The following ALMS1 variants were observed in gnomAD, a reference collection of about 807,000 sequenced individuals.
The protein encoded by ALMS1 is ALMS1 centrosome and basal body associated protein.
A neutral mutation model predicts 352.2 loss-of-function variants in ALMS1; 271 were observed. That is an observed-to-expected ratio of 0.77 (90% CI 0.70 to 0.85). The LOEUF is 0.85. Among genes scored for constraint, ALMS1 ranks in the 40% least tolerant of loss-of-function variants. ALMS1 has a pLI of 0.00. For missense variants in ALMS1, 5,445 were observed against 4,870.7 expected, an observed-to-expected ratio of 1.12 and a Z score of -3.51; for synonymous variants, 1,865 against 1,761.2, an observed-to-expected ratio of 1.06 and a Z score of -1.48.
At chr2:73,463,636 C>A (rs1672258361) in intron 9 of ALMS1, among the ~76,000 whole-genome samples, 1 of 125,650 alleles carries the variant, frequency 8.0e-6, no homozygotes, top group South Asian at 2.9e-4. Context: ...ACACAAAAAA[C>A]CCTTCAAAAA....
At chr2:73,511,156 T>C (rs1174706289) in intron 10 of ALMS1, among the ~76,000 whole-genome samples, 2 of 152,188 alleles carry the variant, frequency 1.3e-5, no homozygotes, top group Non-Finnish European at 2.9e-5. Context: ...GCTAGACCAC[T>C]TGCCTTCCTG....
intron 7 of ALMS1, among the ~76,000 whole-genome samples, chr2:73,435,923 C>G (rs1447392401): frequency 6.6e-6 from 1 of 152,152 alleles, no homozygotes; most frequent in Non-Finnish European, 1.5e-5. Flanking sequence ...CTCTTTAAAT[C>G]AGTTAACAGA....
chr2:73,424,997 T>C (rs1472928889), intron 5 of ALMS1, 95 bp downstream of exon 5: 2 of 1,067,336 alleles, frequency 1.9e-6, no homozygotes, highest in African/African-American at 1.6e-5. Flanking sequence ...CCTTTTCCTA[T>C]GTGCCATGGA....
chr2:73,398,090 A>G (rs1670799314), intron 1 of ALMS1, among the ~76,000 whole-genome samples: 1 of 152,184 alleles, frequency 6.6e-6, no homozygotes, highest in South Asian at 2.1e-4. Flanking sequence ...GTTATCTTCT[A>G]GGAGTTTTAT....
intron 10 of ALMS1, among the ~76,000 whole-genome samples, chr2:73,502,536 A>G (rs1673239057): frequency 6.6e-6 from 1 of 152,094 alleles, no homozygotes; most frequent in South Asian, 2.1e-4. Context: ...TAAGTTTAAT[A>G]TTACCTGTAG....
intron 9 of ALMS1, among the ~76,000 whole-genome samples, chr2:73,465,172 A>G (rs1444091503): frequency 6.6e-6 from 1 of 152,052 alleles, no homozygotes. Flanking sequence ...AAGAGCCTGC[A>G]TCGCCAAGTC....
At chr2:73,409,924 TGCAGGTAGAATACCCTCCA>T (rs1424833336) in intron 2 of ALMS1, among the ~76,000 whole-genome samples, 1 of 152,200 alleles carries the variant, frequency 6.6e-6, no homozygotes, top group Admixed American at 6.5e-5. Flanking sequence ...GATCTGAATC[TGCAGGTAGAATACCCTCCA>T]GCTGGAAGAC....
intron 9 of ALMS1, among the ~76,000 whole-genome samples, chr2:73,476,382 G>C (rs1448318623): frequency 2.6e-5 from 4 of 151,950 alleles, no homozygotes; most frequent in Admixed American, 2.0e-4. Context: ...ATCTCTTCAA[G>C]GTCCTGCTTT....
At chr2:73,444,499 C>T (rs551107739) in intron 7 of ALMS1, among the ~76,000 whole-genome samples, 4 of 152,294 alleles carry the variant, frequency 2.6e-5, no homozygotes, top group Non-Finnish European at 4.4e-5. Context: ...ACAATTCCTG[C>T]TTTCGCATTG....
chr2:73,469,558 G>A (rs983671664), intron 9 of ALMS1: 1 of 151,896 alleles, frequency 6.6e-6, no homozygotes, highest in Non-Finnish European at 1.5e-5. Context: ...TTAAACAGAA[G>A]CGTGTAACAG....
chr2:73,563,499 G>A lies in ALMS1; in HGVS notation c.10384+4357G>A, dbSNP rs1048976146. Among the ~76,000 whole-genome samples, 4 of 152,084 alleles carry A rather than the reference G, an allele frequency of 2.6e-5. No homozygotes were observed. The East Asian group carries it at 7.7e-4, about 29-fold the overall frequency. ...ACACTTTGGGAGGCTGAGGCGGGCG[G>A]ATTAAGAGGTCAGGAGATCAAGACC... On this transcript the variant is annotated intron_variant, in intron 15 of 22. Coordinates refer to ENST00000613296, the MANE Select transcript of ALMS1 (RefSeq NM_001378454.1).
At chr2:73,493,132 A>G (rs1673027588) in intron 10 of ALMS1, among the ~76,000 whole-genome samples, 1 of 152,134 alleles carries the variant, frequency 6.6e-6, no homozygotes, top group Admixed American at 6.5e-5. Flanking sequence ...ATGAACTAAC[A>G]ATAATGCCAT....
intron 9 of ALMS1, among the ~76,000 whole-genome samples, chr2:73,483,714 C>A (rs2103872714): frequency 6.7e-6 from 1 of 150,002 alleles, no homozygotes; most frequent in South Asian, 2.1e-4. Flanking sequence ...GTCTAAGTCT[C>A]TTTGTAGGTC....
Position 73,491,268 on chromosome 2 carries a change from C to G in ALMS1, c.9309C>G (p.Thr3103=). The change falls in exon 10 of 23, where the codon ACC becomes ACG. Residue 3103 remains threonine (T), a synonymous_variant. Coordinates refer to ENST00000613296, the MANE Select transcript of ALMS1 (RefSeq NM_001378454.1). ...RSLEPTSKLL[T]SKPVAQDQES... The stretch of plus-strand genomic sequence containing the variant: ...TGGAACCAACCTCCAAATTATTGAC[C>G]AGTAAACCTGTAGCACAGGATCAAG... 6.2e-7 allele frequency: 1 copy of G among 1,614,092 alleles called. No individual in the cohort carries two copies. The highest frequency in any genetic ancestry group is 8.5e-7 in the Non-Finnish European group (1 of 1,180,008).
intron 11 of ALMS1, among the ~76,000 whole-genome samples, chr2:73,530,482 G>T (rs1673885762): frequency 1.3e-5 from 2 of 152,202 alleles, no homozygotes; most frequent in Non-Finnish European, 2.9e-5. Context: ...CTGAGGTTTT[G>T]CAGGGCACAG....
At chr2:73,477,761 AT>A (rs1274989677) in intron 9 of ALMS1, among the ~76,000 whole-genome samples, 1 of 151,974 alleles carries the variant, frequency 6.6e-6, no homozygotes, top group Non-Finnish European at 1.5e-5. Context: ...TTAAAAATTT[AT>A]TTTTGGATTG....
chr2:73,473,346 C>T (rs1672506835), intron 9 of ALMS1, among the ~76,000 whole-genome samples: 1 of 151,940 alleles, frequency 6.6e-6, no homozygotes, highest in Non-Finnish European at 1.5e-5. Flanking sequence ...GCTAAGTGAG[C>T]ACAGACTTCA....
chr2:73,591,365 C>T lies in ALMS1; in HGVS notation c.11548-8036C>T, dbSNP rs187223675. On this transcript the variant is annotated intron_variant, in intron 16 of 22. Coordinates refer to ENST00000613296, the MANE Select transcript of ALMS1 (RefSeq NM_001378454.1). ...GTATAAATTTATTTCCAAATGGTAG[C>T]TAGTTGCCAATAAAGATTTTTAAAT... is the stretch of plus-strand genomic sequence containing the variant. Among the ~76,000 whole-genome samples the T allele has an allele frequency of 4.0e-4, 61 of 152,190 alleles. 2 individuals are homozygous for T. Among genetic ancestry groups the T allele is most frequent in the Admixed American group, 3.5e-3 (54 of 15,300 alleles).
chr2:73,416,342 G>T (rs752498182), intron 2 of ALMS1, among the ~76,000 whole-genome samples: 1 of 152,158 alleles, frequency 6.6e-6, no homozygotes, highest in East Asian at 1.9e-4. Flanking sequence ...CAGTGTAGAA[G>T]GGATTGAGGT....
Sources: allele counts gnomAD v4.1 joint callset (sites outside exome capture counted in the v4.1 genomes callset), GRCh38; gene constraint gnomAD v4.1.1; transcripts MANE v1.5; gene names NCBI Gene and HGNC (gene_info 2026-07-23, HGNC 2026-07-21).